The following CNBD1 variants were observed in gnomAD, a reference collection of about 807,000 sequenced individuals.
The protein encoded by CNBD1 is cyclic nucleotide binding domain containing 1, also known as cyclic nucleotide-binding domain-containing protein 1.
Under a neutral mutation model 54.4 loss-of-function variants are expected in CNBD1, and 71 were observed. The ratio of observed to expected loss-of-function variants is 1.30; its 90% CI spans 1.08 to 1.59. The LOEUF (loss-of-function observed/expected upper bound fraction) is 1.59. Ranked by LOEUF, CNBD1 falls within the 40% of genes most tolerant of loss-of-function variation. The probability of loss-of-function intolerance (pLI) is 0.00; values close to 1 mark genes in which losing one functional copy is unlikely to be tolerated. For synonymous variants in CNBD1, 182 were observed against 170.7 expected, an observed-to-expected ratio of 1.07 and a Z score of -0.51; for missense variants, 659 against 518.0, an observed-to-expected ratio of 1.27 and a Z score of -2.64.
intron 8 of CNBD1, among the ~76,000 whole-genome samples, chr8:87,338,620 T>G (rs79012619): frequency 1.5e-5 from 1 of 65,108 alleles, no homozygotes; most frequent in East Asian, 3.1e-4. Context: ...TTTTTCTTTG[T>G]TTTTTTTTTT....
At chr8:86,900,160 T>C (rs1808911122) in intron 2 of CNBD1, among the ~76,000 whole-genome samples, 2 of 152,188 alleles carry the variant, frequency 1.3e-5, no homozygotes, top group South Asian at 2.1e-4. Flanking sequence ...ACCTTGAAGA[T>C]TTTTTTTCTT....
At chr8:87,426,906 G>A (rs1380215608) in intron 2 of CNBD1, among the ~76,000 whole-genome samples, 1 of 152,168 alleles carries the variant, frequency 6.6e-6, no homozygotes, top group Non-Finnish European at 1.5e-5. Flanking sequence ...ATTTATAGGT[G>A]TGGATAAACC....
chr8:86,970,469 A>G (rs1554635384), intron 4 of CNBD1, among the ~76,000 whole-genome samples: 1 of 151,718 alleles, frequency 6.6e-6, no homozygotes, highest in South Asian at 2.1e-4. Context: ...TTCAATTTTT[A>G]TTTTAGATTT....
intron 2 of CNBD1, among the ~76,000 whole-genome samples, chr8:87,406,353 C>T (rs564624353): frequency 2.2e-4 from 33 of 151,196 alleles, no homozygotes; most frequent in African/African-American, 6.6e-4. Context: ...TTTGCATTAA[C>T]CACAGTAAAT....
intron 8 of CNBD1, among the ~76,000 whole-genome samples, chr8:87,335,424 C>A (rs528573169): frequency 6.6e-6 from 1 of 152,122 alleles, no homozygotes; most frequent in East Asian, 1.9e-4. Flanking sequence ...ATACTTAACT[C>A]TTCTTGTTGA....
chr8:87,128,296 C>T (rs1055040097), intron 4 of CNBD1, among the ~76,000 whole-genome samples: 1 of 152,176 alleles, frequency 6.6e-6, no homozygotes, highest in East Asian at 1.9e-4. Flanking sequence ...TAAGACAGGC[C>T]CACTTGGGCT....
Position 86,893,150 on chromosome 8 carries a change from G to A in CNBD1, c.158+5539G>A, listed in dbSNP as rs117967032. Among the ~76,000 whole-genome samples, 347 of 152,256 alleles carry A rather than the reference G, an allele frequency of 2.3e-3. 2 individuals carry two copies. The highest frequency in any genetic ancestry group is 4.0e-3 in the Non-Finnish European group (269 of 68,010). On this transcript the variant is annotated intron_variant, in intron 2 of 10. Transcript: ENST00000518476. ...GTCTTTTGGGATGGCAGAAAATGTG[G>A]GCAGAGATAGGTGGGATCTTACATT... is the stretch of plus-strand genomic sequence containing the variant.
chr8:87,336,156 A>G (rs1447448523), intron 8 of CNBD1, among the ~76,000 whole-genome samples: 1 of 152,052 alleles, frequency 6.6e-6, no homozygotes, highest in Non-Finnish European at 1.5e-5. Context: ...ACCTTGGAGA[A>G]TCTGATGATT....
At chr8:87,218,653 C>T (rs1049302665) in intron 5 of CNBD1, among the ~76,000 whole-genome samples, 1 of 151,598 alleles carries the variant, frequency 6.6e-6, no homozygotes, top group African/African-American at 2.4e-5. Context: ...ATCATATTTC[C>T]TCTTATATGT....
At chr8:87,421,179 A>G (rs1489596667) in intron 2 of CNBD1, among the ~76,000 whole-genome samples, 1 of 152,106 alleles carries the variant, frequency 6.6e-6, no homozygotes, top group Non-Finnish European at 1.5e-5. Context: ...CTCTGCCTCT[A>G]AAATTAGGCA....
intron 2 of CNBD1, among the ~76,000 whole-genome samples, chr8:87,418,029 G>A (rs1023831753): frequency 2.6e-5 from 4 of 151,652 alleles, no homozygotes; most frequent in African/African-American, 4.8e-5. Flanking sequence ...CCTGCTCTCC[G>A]TTTTTGCAGA....
chr8:86,888,859 GT>G (rs879469004), intron 2 of CNBD1, among the ~76,000 whole-genome samples: 5 of 151,276 alleles, frequency 3.3e-5, no homozygotes, highest in South Asian at 4.2e-4. Context: ...AATACTTCTA[GT>G]TTTTTTTTCT....
chr8:87,134,594 CTTTTTTTTTTT>C (rs1167232265), intron 4 of CNBD1, among the ~76,000 whole-genome samples: 2 of 86,964 alleles, frequency 2.3e-5, no homozygotes, highest in African/African-American at 4.3e-5. Context: ...ATTAGATTAC[CTTTTTTTTTTT>C]TTTTTTTTTT....
intron 4 of CNBD1, among the ~76,000 whole-genome samples, chr8:87,030,260 A>G (rs1482590330): frequency 6.6e-6 from 1 of 152,220 alleles, no homozygotes; most frequent in African/African-American, 2.4e-5. Flanking sequence ...CCCATTTAAA[A>G]ACATAAACAC....
rs552102783 is a variant in CNBD1, at chr8:86,978,565, G to A, written c.431+38811G>A. 3.0e-3 allele frequency among the ~76,000 whole-genome samples: 302 copies of A among 101,102 alleles called. 1 individual carries two copies. The highest frequency in any genetic ancestry group is 0.011 in the African/African-American group (288 of 25,852). The allele number at this position is 101,102 out of a possible 152,430, so 66.3% of individuals were successfully genotyped here. A position where few individuals can be genotyped will look rare whatever the true frequency, so the allele number is the denominator to read the frequency against. On this transcript the variant is annotated intron_variant, in intron 4 of 10. Coordinates refer to ENST00000518476, the MANE Select transcript of CNBD1 (RefSeq NM_173538.3). ...TTTTTTTTTTTTTTTTTTTTGAGGCGAAGTTTCGCTCTTGTTGCCCAGGCT... is the reference window on the plus strand; with the variant it reads ...TTTTTTTTTTTTTTTTTTTTGAGGCAAAGTTTCGCTCTTGTTGCCCAGGCT...
intron 10 of CNBD1, among the ~76,000 whole-genome samples, chr8:87,370,398 G>T (rs1169145572): frequency 1.3e-5 from 2 of 152,078 alleles, no homozygotes; most frequent in Non-Finnish European, 2.9e-5. Flanking sequence ...GTTGTTTCCT[G>T]ACTTTTTAAT....
chr8:87,118,271 C>T (rs371398724), intron 4 of CNBD1, among the ~76,000 whole-genome samples: 9 of 137,262 alleles, frequency 6.6e-5, no homozygotes, highest in African/African-American at 2.5e-4. Flanking sequence ...GCCAAGATTG[C>T]ACAACTGCCC....
At chr8:87,328,284 C>T (rs1809729267) in intron 8 of CNBD1, among the ~76,000 whole-genome samples, 2 of 151,906 alleles carry the variant, frequency 1.3e-5, no homozygotes, top group Non-Finnish European at 1.5e-5. Flanking sequence ...CAGTTGACAA[C>T]ATATGTGTGA....
intron 8 of CNBD1, among the ~76,000 whole-genome samples, chr8:87,314,099 T>A (rs1254993958): frequency 6.6e-6 from 1 of 151,934 alleles, no homozygotes; most frequent in Non-Finnish European, 1.5e-5. Context: ...AAGTAGATGA[T>A]GCCAATGCTT....
Sources: gnomAD v4.1 joint callset for allele counts (sites outside exome capture counted in the v4.1 genomes callset) on GRCh38, gnomAD v4.1.1 for gene constraint, MANE v1.5 for transcripts, NCBI Gene and HGNC (gene_info 2026-07-23, HGNC 2026-07-21) for gene names.